Variants in ARNT2 observed in about 807,000 individuals in gnomAD.
The protein encoded by ARNT2 is aryl hydrocarbon receptor nuclear translocator 2.
ARNT2 carries 36 observed loss-of-function variants against 91.7 expected under a neutral mutation model. That is an observed-to-expected ratio of 0.39 (90% confidence interval 0.30 to 0.52). The LOEUF (loss-of-function observed/expected upper bound fraction) is 0.52. ARNT2 is among the 20% of genes least tolerant of loss of function. The pLI, the probability that ARNT2 is intolerant of heterozygous loss-of-function variation, is 0.72. For synonymous variants in ARNT2, 365 were observed against 347.1 expected (o/e 1.05, Z -0.57); for missense variants, 775 against 939.3 (o/e 0.83, Z 2.29).
At chr15:80,489,870 G>C (rs78681376) in intron 5 of ARNT2, among the ~76,000 whole-genome samples, 1 of 152,148 alleles carries the variant, frequency 6.6e-6, no homozygotes, top group South Asian at 2.1e-4. Flanking sequence ...TCGTTTCCCC[G>C]CTGACCAGTT....
Position 80,591,640 on chromosome 15 carries a change from A to G in ARNT2, c.1991A>G (p.His664Arg). 6.2e-7 allele frequency: 1 copy of G among 1,614,160 alleles called. No homozygotes were observed. The highest frequency in any genetic ancestry group is 8.5e-7 in the Non-Finnish European group (1 of 1,180,010). ...SEVWSQWQSQHHGQQSGEQHS... is the reference protein window; with the variant it reads ...SEVWSQWQSQRHGQQSGEQHS... ...GTCTGGTCGCAGTGGCAAAGCCAGC[A>G]CCATGGCCAGCAGAGCGGTGAGCAG... Residue 664 changes from histidine (H) to arginine (R), a missense_variant, in exon 18 of 19, where the codon CAC (histidine) becomes CGC (arginine). Coordinates refer to ENST00000303329, the MANE Select transcript of ARNT2 (RefSeq NM_014862.4). This position sits in a 1 kb window ranked among gnomAD's most constrained non-coding sequence, Gnocchi z 5.1.
intron 3 of ARNT2, among the ~76,000 whole-genome samples, chr15:80,462,271 T>C (rs1236970588): frequency 6.6e-6 from 1 of 152,142 alleles, no homozygotes; most frequent in Non-Finnish European, 1.5e-5. Flanking sequence ...CTGCCACCAG[T>C]ACATGGAGGC....
At chr15:80,432,387 T>C (rs1227149470) in intron 1 of ARNT2, among the ~76,000 whole-genome samples, 3 of 152,164 alleles carry the variant, frequency 2.0e-5, no homozygotes, top group Admixed American at 6.5e-5. Context: ...GGCCATGAGC[T>C]GAGAATAATT....
rs1391727323 is a variant in ARNT2 at position 80,404,480 on chromosome 15, C to A, written c.-36C>A. ...CGGGCTCCGCGCCGCCCCTCCCGCG[C>A]CCCTGCCAAGCGGGCGCCTATCCTC... On this transcript the variant is annotated 5_prime_UTR_variant, in exon 1 of 19. Coordinates refer to ENST00000303329, the MANE Select transcript of ARNT2 (RefSeq NM_014862.4). This position sits in a 1 kb window ranked among gnomAD's most constrained non-coding sequence, Gnocchi z 5.5. 8.2e-7 allele frequency: 1 copy of A among 1,220,980 alleles called. No homozygotes were observed. The highest frequency in any genetic ancestry group is 1.0e-6 in the Non-Finnish European group (1 of 961,530). 75.6% of individuals were successfully genotyped at this position (1,220,980 alleles called of 1,614,324 possible).
intron 8 of ARNT2, among the ~76,000 whole-genome samples, chr15:80,527,150 T>C (rs949210774): frequency 8.5e-5 from 13 of 152,206 alleles, no homozygotes; most frequent in African/African-American, 3.1e-4. Context: ...TCCATTTTGT[T>C]CCATAAATAC....
chr15:80,583,506 G>C (rs6495510), intron 17 of ARNT2, among the ~76,000 whole-genome samples: 8,149 of 152,296 alleles, frequency 0.054, 480 homozygotes, highest in African/African-American at 0.13. Flanking sequence ...GCTCCAGGTT[G>C]GGTTTTTACA....
intron 2 of ARNT2, among the ~76,000 whole-genome samples, chr15:80,457,345 T>C (rs979731464): frequency 6.6e-6 from 1 of 152,202 alleles, no homozygotes. Flanking sequence ...GGTCCTGGAT[T>C]TAATAGGGCA....
intron 1 of ARNT2, among the ~76,000 whole-genome samples, chr15:80,438,075 T>C (rs1317313646): frequency 6.6e-6 from 1 of 152,188 alleles, no homozygotes; most frequent in Non-Finnish European, 1.5e-5. Context: ...AGGCTGATGC[T>C]GAATCATTGA....
chr15:80,510,601 C>T (rs549045605), intron 6 of ARNT2, among the ~76,000 whole-genome samples: 74 of 61,662 alleles, frequency 1.2e-3, no homozygotes, highest in East Asian at 6.9e-3. Flanking sequence ...GAGGCCAAGG[C>T]GGGCAGATCA....
intron 1 of ARNT2, among the ~76,000 whole-genome samples, chr15:80,409,576 T>G (rs1357682434): frequency 6.6e-6 from 1 of 151,758 alleles, no homozygotes; most frequent in African/African-American, 2.4e-5. Flanking sequence ...TGCCGGGGAC[T>G]GATCTTGGTT....
At chr15:80,444,719 TTGTA>T (rs970266782) in intron 1 of ARNT2, 7 of 139,358 alleles carry the variant, frequency 5.0e-5, no homozygotes, top group South Asian at 4.7e-4. Context: ...TGTGAATGCT[TTGTA>T]TGAGTTGATG....
chr15:80,520,438 T>C (rs1226621928), intron 8 of ARNT2, among the ~76,000 whole-genome samples: 3 of 152,190 alleles, frequency 2.0e-5, no homozygotes, highest in Non-Finnish European at 4.4e-5. Context: ...TTGAAGAAGG[T>C]AGTTAAGCAA....
At chr15:80,550,673 C>T (rs1437940580) in intron 8 of ARNT2, among the ~76,000 whole-genome samples, 1 of 152,204 alleles carries the variant, frequency 6.6e-6, no homozygotes, top group East Asian at 1.9e-4. Context: ...CTTAGCATAA[C>T]CATCACCAGT....
At chr15:80,486,500 T>C (rs1483553011) in intron 5 of ARNT2, among the ~76,000 whole-genome samples, 1 of 152,218 alleles carries the variant, frequency 6.6e-6, no homozygotes, top group Non-Finnish European at 1.5e-5. Flanking sequence ...ATTGGTGGCC[T>C]CGTTGGTGCC....
chr15:80,522,549 A>G (rs1392538292), intron 8 of ARNT2, among the ~76,000 whole-genome samples: 2 of 152,186 alleles, frequency 1.3e-5, no homozygotes, highest in Non-Finnish European at 2.9e-5. Context: ...GCTATGTGGG[A>G]TAGCCTGTTG....
chr15:80,484,435 A>G (rs1301132819), intron 5 of ARNT2, among the ~76,000 whole-genome samples: 1 of 152,168 alleles, frequency 6.6e-6, no homozygotes, highest in African/African-American at 2.4e-5. Flanking sequence ...TGTTTTTTGT[A>G]TCTTCACAGT....
intron 8 of ARNT2, among the ~76,000 whole-genome samples, chr15:80,521,640 C>G (rs192020407): frequency 1.3e-5 from 2 of 152,178 alleles, no homozygotes; most frequent in East Asian, 3.9e-4. Context: ...CTTTAATACA[C>G]AAGAACACAA....
Position 80,597,050 on chromosome 15 carries a change from G to A in ARNT2, c.*3352G>A. 1 of 469,750 alleles carries A rather than the reference G, an allele frequency of 2.1e-6. No homozygotes were observed. The highest frequency in any genetic ancestry group is 5.7e-5 in the East Asian group (1 of 17,550). 29.1% of individuals were successfully genotyped at this position (469,750 alleles called of 1,614,324 possible). A position where few individuals can be genotyped will look rare whatever the true frequency, so the allele number is the denominator to read the frequency against. On this transcript the variant is annotated 3_prime_UTR_variant, in exon 19 of 19. Transcript: ENST00000303329. Reference sequence around the variant, plus strand: ...TCATGAGACGTGAATGTTGCAGAGAGTGGGGGGATTCTGGTTGTTAAGGAA... The same window carrying A: ...TCATGAGACGTGAATGTTGCAGAGAATGGGGGGATTCTGGTTGTTAAGGAA...
At chr15:80,419,781 G>A (rs1895836129) in intron 1 of ARNT2, among the ~76,000 whole-genome samples, 1 of 152,206 alleles carries the variant, frequency 6.6e-6, no homozygotes, top group Non-Finnish European at 1.5e-5. Flanking sequence ...ACACCATGCC[G>A]GTTCTTAGGG....
Sources: allele counts gnomAD v4.1 joint callset (sites outside exome capture counted in the v4.1 genomes callset), GRCh38; gene constraint gnomAD v4.1.1; non-coding constraint Gnocchi (gnomAD v3.1); transcripts MANE v1.5; gene names NCBI Gene and HGNC (gene_info 2026-07-23, HGNC 2026-07-21).